The following DPP10 variants were observed in gnomAD, a reference collection of about 807,000 sequenced individuals.
DPP10 encodes inactive dipeptidyl peptidase 10.
Under a neutral mutation model 120.9 loss-of-function variants are expected in DPP10, and 33 were observed. That is an observed-to-expected ratio of 0.27 (90% CI 0.21 to 0.37). The LOEUF is 0.37. Among genes scored for constraint, DPP10 ranks in the 10% least tolerant of loss-of-function variants. DPP10 has a pLI of 1.00. For synonymous variants in DPP10, 337 were observed against 326.1 expected, an observed-to-expected ratio of 1.03 and a Z score of -0.36; for missense variants, 816 against 942.8, an observed-to-expected ratio of 0.87 and a Z score of 1.76.
rs866747526 is a variant in DPP10, at chr2:114,629,197, A to T, written c.60+186359A>T. Among the ~76,000 whole-genome samples, 701 of 151,840 alleles carry T rather than the reference A, an allele frequency of 4.6e-3. 7 individuals are homozygous for T. The highest frequency in any genetic ancestry group is 0.016 in the African/African-American group (666 of 41,286). Reference sequence around the variant, plus strand: ...AGCTTTAGAGTAGAAAATTGCTATCATTAATTTTCCTTCAAACTTTCTCTG... The same window carrying T: ...AGCTTTAGAGTAGAAAATTGCTATCTTTAATTTTCCTTCAAACTTTCTCTG... On this transcript the variant is annotated intron_variant, in intron 1 of 25. Transcript: ENST00000410059.
intron 1 of DPP10, among the ~76,000 whole-genome samples, chr2:114,857,057 A>G (rs879447998): frequency 1.3e-5 from 2 of 152,216 alleles, no homozygotes; most frequent in Admixed American, 6.5e-5. Context: ...ATCAGAGGTA[A>G]CAGTTCAGAT....
At chr2:114,980,953 T>A (rs945715041) in intron 1 of DPP10, among the ~76,000 whole-genome samples, 4 of 152,032 alleles carry the variant, frequency 2.6e-5, no homozygotes, top group Admixed American at 1.3e-4. Flanking sequence ...AAGAAAAAAA[T>A]TTAAATTAAA....
intron 5 of DPP10, among the ~76,000 whole-genome samples, chr2:115,542,654 C>T (rs546564848): frequency 1.3e-4 from 19 of 151,266 alleles, no homozygotes; most frequent in African/African-American, 4.4e-4. Context: ...CCCTTTTGGC[C>T]TGAGCAGTGA....
chr2:115,827,266 T>G (rs781276787), intron 21 of DPP10, among the ~76,000 whole-genome samples: 7 of 149,480 alleles, frequency 4.7e-5, no homozygotes, highest in Non-Finnish European at 1.0e-4. Context: ...CAGGTCAGTA[T>G]TTATGTATGT....
chr2:115,433,484 C>G (rs574687525), intron 3 of DPP10, among the ~76,000 whole-genome samples: 3 of 152,000 alleles, frequency 2.0e-5, no homozygotes, highest in African/African-American at 7.2e-5. Context: ...CATATAAAAT[C>G]AAAGGCATAC....
chr2:115,304,663 G>A (rs778431850), intron 1 of DPP10, among the ~76,000 whole-genome samples: 32 of 151,854 alleles, frequency 2.1e-4, no homozygotes, highest in African/African-American at 2.9e-4. Context: ...GTTTTCCAAA[G>A]GAAAGTACAA....
intron 3 of DPP10, among the ~76,000 whole-genome samples, chr2:115,481,793 T>C (rs2075445937): frequency 6.6e-6 from 1 of 152,102 alleles, no homozygotes; most frequent in Non-Finnish European, 1.5e-5. Context: ...CTTTTATTGA[T>C]AAAAATACTT....
intron 1 of DPP10, among the ~76,000 whole-genome samples, chr2:114,691,149 T>C (rs1382282445): frequency 6.6e-6 from 1 of 152,044 alleles, no homozygotes; most frequent in Non-Finnish European, 1.5e-5. Flanking sequence ...TACTGGTTTT[T>C]CAGGAGAATG....
intron 3 of DPP10, among the ~76,000 whole-genome samples, chr2:115,368,978 T>C (rs2065239597): frequency 1.3e-5 from 2 of 152,090 alleles, no homozygotes; most frequent in South Asian, 4.1e-4. Flanking sequence ...CTCAAGAAAA[T>C]TGACCATTTT....
At chr2:114,905,281 A>T (rs898484316) in intron 1 of DPP10, among the ~76,000 whole-genome samples, 8 of 151,990 alleles carry the variant, frequency 5.3e-5, no homozygotes, top group Admixed American at 3.9e-4. Flanking sequence ...TGGGTATTAC[A>T]TTTTTAACAA....
At chr2:114,735,274 T>C (rs750503921) in intron 1 of DPP10, among the ~76,000 whole-genome samples, 7 of 152,212 alleles carry the variant, frequency 4.6e-5, no homozygotes, top group Non-Finnish European at 8.8e-5. Flanking sequence ...AGAAAAAATA[T>C]AGAAGTATTA....
At chr2:115,745,214 T>C (rs1677799103) in intron 9 of DPP10, among the ~76,000 whole-genome samples, 1 of 144,094 alleles carries the variant, frequency 6.9e-6, no homozygotes, top group African/African-American at 2.4e-5. Context: ...ATACTAACTT[T>C]CTCAGTTTTA....
At chr2:115,527,497 A>G (rs1262009658) in intron 5 of DPP10, among the ~76,000 whole-genome samples, 4 of 152,316 alleles carry the variant, frequency 2.6e-5, no homozygotes, top group Admixed American at 1.3e-4. Flanking sequence ...ACTGTATACC[A>G]AAAGCACAGT....
At chr2:115,217,054 G>A (rs1010867450) in intron 1 of DPP10, among the ~76,000 whole-genome samples, 1 of 152,048 alleles carries the variant, frequency 6.6e-6, no homozygotes, top group African/African-American at 2.4e-5. Flanking sequence ...CGATAAGTGG[G>A]TATTCATCCA....
chr2:114,543,917 G>A (rs562885784), intron 1 of DPP10, among the ~76,000 whole-genome samples: 118 of 151,030 alleles, frequency 7.8e-4, no homozygotes, highest in African/African-American at 2.8e-3. Flanking sequence ...TGTTTGTTTA[G>A]CCTCATTCAT....
At chr2:115,007,963 G>A (rs1701977126) in intron 1 of DPP10, among the ~76,000 whole-genome samples, 1 of 152,126 alleles carries the variant, frequency 6.6e-6, no homozygotes, top group African/African-American at 2.4e-5. Flanking sequence ...CCATGCTGAT[G>A]GATAGGAAGA....
chr2:115,329,946 T>C (rs2062609614), intron 2 of DPP10, among the ~76,000 whole-genome samples: 1 of 152,180 alleles, frequency 6.6e-6, no homozygotes, highest in Admixed American at 6.6e-5. Context: ...CCTTTGGGTA[T>C]GTACCCAGTA....
chr2:115,791,094 G>T lies in DPP10; in HGVS notation c.1545G>T (p.Leu515Phe). The T allele has an allele frequency of 6.2e-7, 1 of 1,611,980 alleles. No homozygotes were observed. Among genetic ancestry groups the T allele is most frequent in the Non-Finnish European group, 8.5e-7 (1 of 1,179,136 alleles). The change falls in exon 18 of 26, where the codon TTG becomes TTT. Residue 515 changes from leucine (L) to phenylalanine (F), a missense_variant. Around this residue, in one of 3 missense-constraint regions of DPP10, gnomAD observed 592 missense variants for 649.0 expected, o/e 0.91. Transcript: ENST00000410059. ...STDNPAKYFI[L>F]ESNSMLKEAI... Reference sequence around the variant, plus strand: ...TTTGGTTTACAGAATATTTTATATTGGAAAGCAATTCTATGCTGAAGGAAG... The same window carrying T: ...TTTGGTTTACAGAATATTTTATATTTGAAAGCAATTCTATGCTGAAGGAAG...
chr2:115,827,723 G>A (rs1688523070), intron 21 of DPP10, among the ~76,000 whole-genome samples: 1 of 151,498 alleles, frequency 6.6e-6, no homozygotes, highest in Non-Finnish European at 1.5e-5. Flanking sequence ...AGCCTCCCCA[G>A]TAGCTGGGAT....
Sources: allele counts gnomAD v4.1 joint callset (sites outside exome capture counted in the v4.1 genomes callset), GRCh38; gene constraint gnomAD v4.1.1; regional missense constraint gnomAD v4.1.1; transcripts MANE v1.5; gene names NCBI Gene and HGNC (gene_info 2026-07-23, HGNC 2026-07-21).